Variants in LCT observed in about 807,000 individuals in gnomAD.
The protein encoded by LCT is lactase/phlorizin hydrolase.
Under a neutral mutation model 173.0 loss-of-function variants are expected in LCT, and 90 were observed. The ratio of observed to expected loss-of-function variants is 0.52; its 90% CI spans 0.44 to 0.62. The LOEUF (loss-of-function observed/expected upper bound fraction) is 0.62, where lower values mean the gene tolerates loss of function less well. Ranked by LOEUF, LCT falls within the 20% of genes least tolerant of loss-of-function variation. The probability of loss-of-function intolerance (pLI) is 0.00; values close to 1 mark genes in which losing one functional copy is unlikely to be tolerated. For synonymous variants in LCT, 853 were observed against 957.6 expected (o/e 0.89, Z 2.02); for missense variants, 1,864 against 2,431.4 (o/e 0.77, Z 4.91).
chr2:135,833,486 G>A (rs867052280), intron 1 of LCT, among the ~76,000 whole-genome samples: 4 of 132,260 alleles, frequency 3.0e-5, no homozygotes, highest in South Asian at 2.4e-4. Flanking sequence ...TCGCTCCGTC[G>A]CCCAGGCTGG....
chr2:135,816,972 G>C (rs1001396256), intron 6 of LCT, among the ~76,000 whole-genome samples: 1 of 151,810 alleles, frequency 6.6e-6, no homozygotes, highest in African/African-American at 2.4e-5. Flanking sequence ...AGGCTCAAGC[G>C]ATCCTCCCAC....
chr2:135,805,189 T>C (rs750754006), intron 9 of LCT, 132 bp from the exon 10 acceptor site: 11 of 908,562 alleles, frequency 1.2e-5, no homozygotes, highest in Non-Finnish European at 1.8e-5. Flanking sequence ...ACAAGCACAT[T>C]GGTCCATGTG....
intron 7 of LCT, among the ~76,000 whole-genome samples, chr2:135,811,093 C>A (rs1287387324): frequency 2.0e-5 from 3 of 151,690 alleles, no homozygotes; most frequent in Non-Finnish European, 4.4e-5. Flanking sequence ...GTAGTCCCAG[C>A]CACTTGGGAG....
intron 1 of LCT, among the ~76,000 whole-genome samples, chr2:135,834,606 G>A (rs1575351594): frequency 6.7e-6 from 1 of 149,990 alleles, no homozygotes; most frequent in East Asian, 2.0e-4. Flanking sequence ...TGGCCAACAC[G>A]GTGAAACCCC....
At chr2:135,834,332 C>T (rs926476940) in intron 1 of LCT, among the ~76,000 whole-genome samples, 2 of 151,770 alleles carry the variant, frequency 1.3e-5, no homozygotes, top group African/African-American at 4.8e-5. Context: ...ACTACAGACA[C>T]GTGCTACCAC....
chr2:135,806,273 G>A (rs962903604), intron 9 of LCT, among the ~76,000 whole-genome samples: 2 of 152,094 alleles, frequency 1.3e-5, no homozygotes, highest in Non-Finnish European at 1.5e-5. Flanking sequence ...CACCACACCT[G>A]GACCAATGTG....
intron 3 of LCT, among the ~76,000 whole-genome samples, chr2:135,825,330 C>T (rs975654490): frequency 1.3e-5 from 2 of 152,176 alleles, no homozygotes; most frequent in African/African-American, 2.4e-5. Context: ...AGAGGCCGAG[C>T]GGGTTGCCCA....
At chr2:135,819,431 G>A (rs1357575899) in intron 5 of LCT, among the ~76,000 whole-genome samples, 16 of 152,096 alleles carry the variant, frequency 1.1e-4, no homozygotes, top group Admixed American at 1.0e-3. Flanking sequence ...GCACATGCCT[G>A]GGGAAAAGGA....
intron 5 of LCT, among the ~76,000 whole-genome samples, chr2:135,819,578 A>C (rs2077810945): frequency 6.6e-6 from 1 of 152,148 alleles, no homozygotes; most frequent in Non-Finnish European, 1.5e-5. Context: ...TCAAAAAGCG[A>C]AGCCTGGGGC....
chr2:135,796,805 C>A (rs1419664642), intron 13 of LCT, among the ~76,000 whole-genome samples: 1 of 152,124 alleles, frequency 6.6e-6, no homozygotes, highest in Non-Finnish European at 1.5e-5. Context: ...AGGTGCTCGG[C>A]AAAGTTGTGC....
intron 13 of LCT, among the ~76,000 whole-genome samples, chr2:135,795,451 C>T (rs2077574064): frequency 6.6e-6 from 1 of 151,846 alleles, no homozygotes; most frequent in South Asian, 2.1e-4. Context: ...TCAAGTGATC[C>T]GCCCACCTCA....
chr2:135,803,904 G>T lies in LCT; in HGVS notation c.4663+26C>A, dbSNP rs762546634. On this transcript the variant is annotated intron_variant, in intron 11 of 16. Transcript: ENST00000264162. ...TGCTAAGAATGCCATGATTCAAAGA[G>T]CCTATGAGCCAGGGCTGGGACTTAC... 5 of 1,597,700 alleles carry T rather than the reference G, an allele frequency of 3.1e-6. No individual in the cohort carries two copies. The South Asian group carries it at 4.5e-5, about 14-fold the overall frequency.
chr2:135,817,932 C>T lies in LCT; in HGVS notation c.1116G>A (p.Ala372=), dbSNP rs200277615. 5.0e-5 allele frequency: 80 copies of T among 1,614,032 alleles called. No homozygotes were observed. In the East Asian group the frequency reaches 1.0e-3, roughly 21 times the overall value. Residue 372 remains alanine, a synonymous_variant, in exon 6 of 17, where the codon GCG becomes GCA. Coordinates refer to ENST00000264162, the MANE Select transcript of LCT (RefSeq NM_002299.4). ...TATCCTGCAGGAAGGCATCCCTTTC[C>T]GCCCTGGACTGATTGGCAAATGCTT... ...IWEAFANQSR[A]ERDAFLQDTF...
intron 5 of LCT, 68 bp from the exon 6 acceptor site, chr2:135,818,129 C>T (rs991453470): frequency 1.5e-5 from 23 of 1,563,300 alleles, no homozygotes; most frequent in Admixed American, 5.0e-5. Flanking sequence ...ATGCCCCCTA[C>T]GGATGACTAC....
intron 2 of LCT, 58 bp from the exon 3 acceptor site, chr2:135,829,734 C>T: frequency 8.7e-7 from 1 of 1,146,806 alleles, no homozygotes; most frequent in Non-Finnish European, 1.3e-6. Context: ...GACTAACAGC[C>T]TCTCAGAAGT....
In LCT at chr2:135,832,490, AT is replaced by A. The variant is rs1048373741; in HGVS notation, c.720+620del. On this transcript the variant is annotated intron_variant, in intron 2 of 16. Coordinates refer to ENST00000264162, the MANE Select transcript of LCT (RefSeq NM_002299.4). ...GATAGAGGATATACGTACATTTTTA[AT>A]TTTTTTTTTTCAAGACAGGGTCTTG... 5.6e-3 allele frequency among the ~76,000 whole-genome samples: 832 copies of A among 147,484 alleles called. 8 individuals carry two copies. Among genetic ancestry groups the A allele is most frequent in the African/African-American group, 0.019 (778 of 40,404 alleles).
At chr2:135,819,978 T>C (rs763981429) in intron 5 of LCT, among the ~76,000 whole-genome samples, 1 of 152,162 alleles carries the variant, frequency 6.6e-6, no homozygotes, top group Non-Finnish European at 1.5e-5. Flanking sequence ...ATTTAGCACA[T>C]GACGGCACCT....
chr2:135,829,519 A>G, intron 3 of LCT, 74 bp downstream of exon 3: 5 of 1,106,300 alleles, frequency 4.5e-6, no homozygotes, highest in Non-Finnish European at 7.0e-6. Context: ...CAGTAGCCAA[A>G]GCATTAAATG....
chr2:135,797,425 G>T (rs984743769), intron 13 of LCT, among the ~76,000 whole-genome samples: 3 of 152,154 alleles, frequency 2.0e-5, no homozygotes, highest in African/African-American at 4.8e-5. Flanking sequence ...CACCCCACCT[G>T]CATGATTCTC....
Sources: allele counts gnomAD v4.1 joint callset (sites outside exome capture counted in the v4.1 genomes callset), GRCh38; gene constraint gnomAD v4.1.1; transcripts MANE v1.5; gene names NCBI Gene and HGNC (gene_info 2026-07-23, HGNC 2026-07-21).